MOCOS: variants seen among roughly 807,000 people sequenced by gnomAD.
MOCOS encodes molybdenum cofactor sulfurase.
A neutral mutation model predicts 83.6 loss-of-function variants in MOCOS; 86 were observed. That is an observed-to-expected ratio of 1.03 (90% CI 0.86 to 1.23). The LOEUF is 1.23. MOCOS is among the 50% of genes most tolerant of loss of function. MOCOS has a pLI of 0.00. For missense variants in MOCOS, 1,120 were observed against 1,126.9 expected, an observed-to-expected ratio of 0.99 and a Z score of 0.09; for synonymous variants, 445 against 434.7, an observed-to-expected ratio of 1.02 and a Z score of -0.29.
intron 10 of MOCOS, among the ~76,000 whole-genome samples, chr18:36,249,552 C>T (rs1021032364): frequency 6.6e-6 from 1 of 152,094 alleles, no homozygotes; most frequent in African/African-American, 2.4e-5. Flanking sequence ...GGCACTGCAA[C>T]ACTCCAGAGG....
At chr18:36,252,027 C>T (rs1217976141) in intron 11 of MOCOS, among the ~76,000 whole-genome samples, 1 of 152,012 alleles carries the variant, frequency 6.6e-6, no homozygotes, top group Non-Finnish European at 1.5e-5. Context: ...GTTCTGTTTT[C>T]CTTTTAGTAG....
At chr18:36,242,810 G>C (rs1245932036) in intron 9 of MOCOS, among the ~76,000 whole-genome samples, 2 of 152,056 alleles carry the variant, frequency 1.3e-5, no homozygotes, top group African/African-American at 2.4e-5. Context: ...AATATCAGAG[G>C]GAAAACTGCC....
intron 2 of MOCOS, among the ~76,000 whole-genome samples, chr18:36,195,693 T>A (rs975982125): frequency 6.6e-6 from 1 of 152,234 alleles, no homozygotes; most frequent in African/African-American, 2.4e-5. Flanking sequence ...AGTCATTCAC[T>A]CTATAACTGT....
At chr18:36,236,994 C>G (rs1288420313) in intron 9 of MOCOS, among the ~76,000 whole-genome samples, 5 of 151,924 alleles carry the variant, frequency 3.3e-5, no homozygotes, top group African/African-American at 1.2e-4. Flanking sequence ...TATCCTGAGA[C>G]TTTGCTGAAG....
chr18:36,244,575 A>G (rs1281153432), intron 9 of MOCOS, among the ~76,000 whole-genome samples: 2 of 152,108 alleles, frequency 1.3e-5, no homozygotes, highest in Admixed American at 6.6e-5. Context: ...TACATGTGCC[A>G]GTTAAAAGAA....
intron 7 of MOCOS, among the ~76,000 whole-genome samples, chr18:36,214,244 CAAAAAAAAAA>C (rs33965546): frequency 6.6e-5 from 6 of 91,396 alleles, no homozygotes; most frequent in Non-Finnish European, 1.2e-4. Flanking sequence ...AACTCAGTCT[CAAAAAAAAAA>C]AAAAAAAAGA....
At chr18:36,267,132 C>T (rs1449104126) in intron 14 of MOCOS, among the ~76,000 whole-genome samples, 1 of 151,916 alleles carries the variant, frequency 6.6e-6, no homozygotes, top group East Asian at 1.9e-4. Context: ...ATTCTGTTGT[C>T]TTGATCATTA....
intron 12 of MOCOS, 102 bp from the exon 13 acceptor site, chr18:36,259,935 C>T: frequency 6.8e-7 from 1 of 1,478,398 alleles, no homozygotes; most frequent in Non-Finnish European, 9.4e-7. Context: ...CACAGTAGAG[C>T]TGATGAAGTT....
At chr18:36,235,744 A>G (rs373168115) in intron 9 of MOCOS, among the ~76,000 whole-genome samples, 10 of 150,476 alleles carry the variant, frequency 6.6e-5, no homozygotes, top group African/African-American at 2.5e-4. Context: ...TACAGTCCCA[A>G]CAACAGTGTA....
chr18:36,241,484 A>T (rs2144128463), intron 9 of MOCOS, among the ~76,000 whole-genome samples: 3 of 152,334 alleles, frequency 2.0e-5, no homozygotes, highest in Middle Eastern at 6.8e-3. Flanking sequence ...GTGGGCTCCC[A>T]TGGCCTTGGG....
chr18:36,254,458 CTGTGTGTGTGTGTG>C (rs60813321), intron 11 of MOCOS, among the ~76,000 whole-genome samples: 13 of 138,864 alleles, frequency 9.4e-5, no homozygotes, highest in East Asian at 4.2e-4. Context: ...TACATTATCT[CTGTGTGTGTGTGTG>C]TGTGTGTGTG....
rs772616983 is a variant in MOCOS at position 36,199,914 on chromosome 18, G to A, written c.531G>A (p.Leu177=). Residue 177 remains leucine, a synonymous_variant, in exon 4 of 15, where the codon CTG becomes CTA. Transcript: ENST00000261326. ...CCACCCCGGTCAGGCCAGAGGACCT[G>A]TGGTCTGCAGAGGAACGTAGTGCTT... ...VISTPVRPED[L]WSAEERSASA... 18 of 1,613,920 alleles carry A rather than the reference G, an allele frequency of 1.1e-5. No homozygotes were observed. Among genetic ancestry groups the A allele is most frequent in the Non-Finnish European group, 1.4e-5 (16 of 1,179,938 alleles).
At chr18:36,190,248 A>C (rs1053473318) in intron 1 of MOCOS, 1 of 152,210 alleles carries the variant, frequency 6.6e-6, no homozygotes, top group African/African-American at 2.4e-5. Flanking sequence ...AATCTTTAGT[A>C]AAAGCGAACA....
chr18:36,225,154 T>C (rs2091510522), intron 9 of MOCOS, among the ~76,000 whole-genome samples: 1 of 152,148 alleles, frequency 6.6e-6, no homozygotes, highest in South Asian at 2.1e-4. Context: ...TTTTTTTTGT[T>C]TTGTTTGTTT....
intron 4 of MOCOS, among the ~76,000 whole-genome samples, chr18:36,202,773 C>T (rs1023004799): frequency 1.3e-5 from 2 of 152,036 alleles, no homozygotes; most frequent in African/African-American, 4.8e-5. Context: ...ACAATCATGG[C>T]GGAAAGGGAA....
intron 14 of MOCOS, 146 bp from the exon 15 acceptor site, chr18:36,268,387 A>T: frequency 1.0e-6 from 1 of 966,028 alleles, no homozygotes; most frequent in Non-Finnish European, 1.6e-6. Flanking sequence ...AGTGCATTCT[A>T]CTGTGTAACA....
chr18:36,208,187 G>C (rs1045056757), intron 6 of MOCOS, among the ~76,000 whole-genome samples: 1 of 152,116 alleles, frequency 6.6e-6, no homozygotes, highest in Non-Finnish European at 1.5e-5. Context: ...ATGCTGTTTT[G>C]ATTACTGTAG....
At chr18:36,232,889 C>CACA (rs781333459) in intron 9 of MOCOS, among the ~76,000 whole-genome samples, 6 of 145,582 alleles carry the variant, frequency 4.1e-5, no homozygotes, top group Non-Finnish European at 7.6e-5. Flanking sequence ...CACACACACA[C>CACA]CATTTTCTTT....
At position 36,205,217 on chromosome 18, in the gene MOCOS, G is replaced by A; in HGVS notation, c.1159G>A (p.Gly387Ser). The stretch of plus-strand genomic sequence containing the variant: ...TGAGTTCAGCAGCCCTGAGGTTCAG[G>A]GCCCAATCATCAATTTTAATGTGCT... The part of the protein sequence containing the change: ...DSEFSSPEVQ[G>S]PIINFNVLDD... Residue 387 changes from glycine (G) to serine (S), a missense_variant, in exon 6 of 15, where the codon GGC (glycine) becomes AGC (serine). Gly to Ser is a moderately conservative substitution (Grantham distance 56). Coordinates refer to ENST00000261326, the MANE Select transcript of MOCOS (RefSeq NM_017947.4). 1 of 1,613,826 alleles carries A rather than the reference G, an allele frequency of 6.2e-7. No individual in the cohort carries two copies. The highest frequency in any genetic ancestry group is 8.5e-7 in the Non-Finnish European group (1 of 1,179,988).
Sources: allele counts gnomAD v4.1 joint callset (sites outside exome capture counted in the v4.1 genomes callset), GRCh38; gene constraint gnomAD v4.1.1; transcripts MANE v1.5; gene names NCBI Gene and HGNC (gene_info 2026-07-23, HGNC 2026-07-21).